The following TBC1D22B variants were observed in gnomAD, a reference collection of about 807,000 sequenced individuals.
TBC1D22B encodes the protein TBC1 domain family member 22B, also known as chromosome 6 open reading frame 197.
In TBC1D22B, 32 loss-of-function variants were observed where a neutral mutation model predicts 69.1. That is an observed-to-expected ratio of 0.46 (90% CI 0.35 to 0.62). The LOEUF is 0.62. Ranked by LOEUF, TBC1D22B falls within the 20% of genes least tolerant of loss-of-function variation. TBC1D22B has a pLI of 0.00. For missense variants in TBC1D22B, 462 were observed against 630.9 expected (o/e 0.73, Z 2.87); for synonymous variants, 206 against 229.8 (o/e 0.90, Z 0.94).
intron 9 of TBC1D22B, 53 bp from the exon 10 acceptor site, chr6:37,313,763 G>A (rs1767997419): frequency 6.5e-7 from 1 of 1,537,836 alleles, no homozygotes; most frequent in East Asian, 2.2e-5. Flanking sequence ...TGAATGTCAG[G>A]TGATAACACA....
chr6:37,331,294 A>G lies in TBC1D22B; in HGVS notation c.*122A>G, dbSNP rs1768575501. ...CTCCTGTTGTACAAAGCTCACACCC[A>G]CCGCCCAGGTCTTAACTTTCTGGCA... On this transcript the variant is annotated 3_prime_UTR_variant, in exon 13 of 13. Coordinates refer to ENST00000373491, the MANE Select transcript of TBC1D22B (RefSeq NM_017772.4). The G allele has an allele frequency of 6.1e-6, 6 of 989,692 alleles. No individual in the cohort carries two copies. The Admixed American group carries it at 8.2e-5, about 13-fold the overall frequency. 61.3% of individuals were successfully genotyped at this position (989,692 alleles called of 1,614,324 possible).
intron 8 of TBC1D22B, among the ~76,000 whole-genome samples, chr6:37,298,539 GTTTT>G (rs34996865): frequency 1.4e-4 from 10 of 71,254 alleles, no homozygotes; most frequent in African/African-American, 5.5e-4. Context: ...GTTGCCTACA[GTTTT>G]TTTTTTTTTT....
At chr6:37,270,358 T>C (rs1463799289) in intron 2 of TBC1D22B, among the ~76,000 whole-genome samples, 2 of 151,930 alleles carry the variant, frequency 1.3e-5, no homozygotes, top group Non-Finnish European at 2.9e-5. Flanking sequence ...GGCTGAGGCA[T>C]GAGAATCGCT....
rs542931304 is a variant in TBC1D22B, at chr6:37,324,465, A to G, written c.1390-6579A>G. ...TACTTTATAAGGACTGTGGCCTATTATGCACCAAAATGCCTTACTGAAATT... is the reference window on the plus strand; with the variant it reads ...TACTTTATAAGGACTGTGGCCTATTGTGCACCAAAATGCCTTACTGAAATT... On this transcript the variant is annotated intron_variant, in intron 12 of 12. Coordinates refer to ENST00000373491, the MANE Select transcript of TBC1D22B (RefSeq NM_017772.4). 2.7e-5 allele frequency: 11 copies of G among 409,774 alleles called. No homozygotes were observed. The East Asian group carries it at 7.3e-4, about 27-fold the overall frequency. The allele number at this position is 409,774 out of a possible 1,614,324, so 25.4% of individuals were successfully genotyped here.
intron 1 of TBC1D22B, among the ~76,000 whole-genome samples, chr6:37,265,688 G>T (rs1766250355): frequency 6.6e-6 from 1 of 151,924 alleles, no homozygotes; most frequent in Admixed American, 6.6e-5. Context: ...TTGTATTTCT[G>T]TAGTAATATA....
intron 12 of TBC1D22B, among the ~76,000 whole-genome samples, chr6:37,328,597 A>C (rs1768496469): frequency 6.6e-6 from 1 of 152,232 alleles, no homozygotes; most frequent in Non-Finnish European, 1.5e-5. Flanking sequence ...ATAGATTCAA[A>C]ATTATGTAGA....
chr6:37,290,058 G>A (rs931364108), intron 7 of TBC1D22B, among the ~76,000 whole-genome samples: 1 of 152,168 alleles, frequency 6.6e-6, no homozygotes, highest in Admixed American at 6.5e-5. Context: ...GAGAGGCTGG[G>A]AAGCATCCTT....
At chr6:37,295,302 C>A (rs1384010634) in intron 8 of TBC1D22B, among the ~76,000 whole-genome samples, 1 of 151,988 alleles carries the variant, frequency 6.6e-6, no homozygotes, top group African/African-American at 2.4e-5. Context: ...ATGGGGTTTT[C>A]ATTGTGTTGC....
intron 2 of TBC1D22B, among the ~76,000 whole-genome samples, chr6:37,271,155 A>C (rs1381927143): frequency 1.3e-5 from 2 of 152,098 alleles, no homozygotes; most frequent in African/African-American, 4.8e-5. Flanking sequence ...TCTACTAAAA[A>C]TAAAAAAATT....
chr6:37,258,111 G>A, intron 1 of TBC1D22B, 138 bp downstream of exon 1: 1 of 982,728 alleles, frequency 1.0e-6, no homozygotes, highest in Non-Finnish European at 1.5e-6. Context: ...GTGGCGGCAG[G>A]GCAGCTGTCA....
At position 37,313,758 on chromosome 6, in the gene TBC1D22B, G is replaced by C. The variant is rs1169709996; in HGVS notation, c.1090-58G>C. ...AACTTCTAAACGTGTTTCAGTGAAT[G>C]TCAGGTGATAACACAAGTTAGAGTC... On this transcript the variant is annotated intron_variant, in intron 9 of 12. Coordinates refer to ENST00000373491, the MANE Select transcript of TBC1D22B (RefSeq NM_017772.4). 3 of 1,508,224 alleles carry C rather than the reference G, an allele frequency of 2.0e-6. No individual in the cohort carries two copies. The Admixed American group carries it at 5.0e-5, about 25-fold the overall frequency. The allele number at this position is 1,508,224 out of a possible 1,614,324, so 93.4% of individuals were successfully genotyped here.
chr6:37,278,682 C>T (rs888238418), intron 2 of TBC1D22B, among the ~76,000 whole-genome samples: 17 of 152,108 alleles, frequency 1.1e-4, no homozygotes, highest in African/African-American at 2.4e-5. Flanking sequence ...GTAACCCCAA[C>T]GATTTGGGAG....
In TBC1D22B at chr6:37,313,503, AC is replaced by A. The variant is rs1339830670; in HGVS notation, c.1090-312del. Among the ~76,000 whole-genome samples, 279 of 138,276 alleles carry A rather than the reference AC, an allele frequency of 2.0e-3. 4 individuals carry two copies. The East Asian group carries it at 0.038, about 19-fold the overall frequency. The allele number at this position is 138,276 out of a possible 152,430, so 90.7% of individuals were successfully genotyped here. A position where few individuals can be genotyped will look rare whatever the true frequency, so the allele number is the denominator to read the frequency against. On this transcript the variant is annotated intron_variant, in intron 9 of 12. Coordinates refer to ENST00000373491, the MANE Select transcript of TBC1D22B (RefSeq NM_017772.4). ...AGACCCTATCTCAAAAAAAAAAAAAACAAAACAGTGATGGTGTAGTGTCCCT... is the reference window on the plus strand; with the variant it reads ...AGACCCTATCTCAAAAAAAAAAAAAAAAAACAGTGATGGTGTAGTGTCCCT...
rs190026547 is a variant in TBC1D22B at position 37,325,644 on chromosome 6, G to T, written c.1390-5400G>T. ...GGCTCACTGCCACCTCTGCCTCCCG[G>T]GTTCAAGCAATTCTTCTGCCTCAGC... On this transcript the variant is annotated intron_variant, in intron 12 of 12. Coordinates refer to ENST00000373491, the MANE Select transcript of TBC1D22B (RefSeq NM_017772.4). Among the ~76,000 whole-genome samples, 8 of 145,132 alleles carry T rather than the reference G, an allele frequency of 5.5e-5. No homozygotes were observed. In the East Asian group the frequency reaches 1.7e-3, roughly 31 times the overall value.
intron 12 of TBC1D22B, among the ~76,000 whole-genome samples, chr6:37,327,294 C>A (rs373123652): frequency 9.0e-6 from 1 of 110,752 alleles, no homozygotes; most frequent in Non-Finnish European, 1.8e-5. Context: ...CTGGCTAACA[C>A]GGTGAAACCC....
At chr6:37,264,563 G>A (rs996321612) in intron 1 of TBC1D22B, among the ~76,000 whole-genome samples, 9 of 152,128 alleles carry the variant, frequency 5.9e-5, no homozygotes, top group Non-Finnish European at 5.9e-5. Flanking sequence ...TGCCTGCCTC[G>A]GCCTCTCAAA....
At position 37,258,079 on chromosome 6, in the gene TBC1D22B, T is replaced by C. The variant is rs1016356156; in HGVS notation, c.56+106T>C. ...GCGCCACAGAGGCCAGAAGACTGGT[T>C]TGGGGAAGCTGGGACTGCCTGGTGG... is the stretch of plus-strand genomic sequence containing the variant. On this transcript the variant is annotated intron_variant, in intron 1 of 12. Transcript: ENST00000373491. 6.9e-6 allele frequency: 9 copies of C among 1,310,922 alleles called. No individual in the cohort carries two copies. The Admixed American group carries it at 7.7e-5, about 11-fold the overall frequency. The allele number at this position is 1,310,922 out of a possible 1,614,324, so 81.2% of individuals were successfully genotyped here.
At chr6:37,298,821 A>G (rs904554236) in intron 8 of TBC1D22B, among the ~76,000 whole-genome samples, 3 of 152,164 alleles carry the variant, frequency 2.0e-5, no homozygotes, top group Admixed American at 2.0e-4. Flanking sequence ...TTGGGATTAC[A>G]GGCGTGAGCC....
At chr6:37,327,297 T>C (rs1329713623) in intron 12 of TBC1D22B, among the ~76,000 whole-genome samples, 1 of 114,084 alleles carries the variant, frequency 8.8e-6, no homozygotes, top group African/African-American at 4.0e-5. Flanking sequence ...GCTAACACGG[T>C]GAAACCCCGT....
Sources: allele counts gnomAD v4.1 joint callset (sites outside exome capture counted in the v4.1 genomes callset), GRCh38; gene constraint gnomAD v4.1.1; transcripts MANE v1.5; gene names NCBI Gene and HGNC (gene_info 2026-07-23, HGNC 2026-07-21).